The following C12orf75 variants were observed in gnomAD, a reference collection of about 807,000 sequenced individuals.
C12orf75 encodes the protein overexpressed in colon carcinoma 1 protein.
In C12orf75, 4 loss-of-function variants were observed where a neutral mutation model predicts 11.4. The observed-to-expected ratio is 0.35, with a 90% CI of 0.17 to 0.80. The LOEUF is 0.80. Ranked by LOEUF, C12orf75 falls within the 30% of genes least tolerant of loss-of-function variation. C12orf75 has a pLI of 0.52. For synonymous variants in C12orf75, 30 were observed against 30.0 expected (o/e 1.00, Z 0.00); for missense variants, 89 against 80.4 (o/e 1.11, Z -0.41).
chr12:105,363,037 C>T (rs1341277654), intron 2 of C12orf75, among the ~76,000 whole-genome samples: 1 of 152,194 alleles, frequency 6.6e-6, no homozygotes, highest in Non-Finnish European at 1.5e-5. Flanking sequence ...TGGTCTTTCA[C>T]AGGAAGTGTT....
intron 2 of C12orf75, among the ~76,000 whole-genome samples, chr12:105,358,430 A>G (rs1368366356): frequency 6.6e-6 from 1 of 152,150 alleles, no homozygotes; most frequent in Non-Finnish European, 1.5e-5. Flanking sequence ...CCGAGATGGG[A>G]GCATCGCTTG....
chr12:105,368,171 CTACATACCAGTCTT>C (rs1294669073), intron 5 of C12orf75, among the ~76,000 whole-genome samples: 2 of 152,132 alleles, frequency 1.3e-5, no homozygotes, highest in Non-Finnish European at 2.9e-5. Context: ...GTTAACTACC[CTACATACCAGTCTT>C]TAAAAGACAT....
chr12:105,331,073 G>C lies in C12orf75; in HGVS notation c.46+136G>C, dbSNP rs539351900. ...TTTTCGGGACAGGAGCAGACCGCCC[G>C]TTTCTGGAAAGACCGAAAGCGTGGC... On this transcript the variant is annotated intron_variant, in intron 1 of 5. Transcript: ENST00000443585. 4 of 541,642 alleles carry C rather than the reference G, an allele frequency of 7.4e-6. No homozygotes were observed. The South Asian group carries it at 3.7e-4, about 50-fold the overall frequency. The allele number at this position is 541,642 out of a possible 1,614,324, so 33.6% of individuals were successfully genotyped here. A position where few individuals can be genotyped will look rare whatever the true frequency, so the allele number is the denominator to read the frequency against.
chr12:105,330,861 C>T lies in C12orf75; in HGVS notation c.-31C>T, dbSNP rs1892411984. ...CCCCCAGGACCCGCGGCCGAGAGCT[C>T]CGGAGCGCGGCTTCCCCGGCCGGCT... On this transcript the variant is annotated 5_prime_UTR_variant, in exon 1 of 6. Coordinates refer to ENST00000443585, the MANE Select transcript of C12orf75 (RefSeq NM_001145199.2). The T allele has an allele frequency of 2.4e-5, 30 of 1,252,780 alleles. No homozygotes were observed. The highest frequency in any genetic ancestry group is 8.0e-5 in the Admixed American group (2 of 25,062). 77.6% of individuals were successfully genotyped at this position (1,252,780 alleles called of 1,614,324 possible).
rs544303713 is a variant in C12orf75, at chr12:105,332,832, A to G, written c.46+1895A>G. Reference sequence around the variant, plus strand: ...AATGTAAAAATCAAATTTGGGGGGAAAATATGATTTCTTGGGGAAATATGA... The same window carrying G: ...AATGTAAAAATCAAATTTGGGGGGAGAATATGATTTCTTGGGGAAATATGA... On this transcript the variant is annotated intron_variant, in intron 1 of 5. Transcript: ENST00000443585. 3.8e-4 allele frequency among the ~76,000 whole-genome samples: 39 copies of G among 101,870 alleles called. No individual in the cohort carries two copies. The South Asian group carries it at 0.011, about 28-fold the overall frequency. 66.8% of individuals were successfully genotyped at this position (101,870 alleles called of 152,430 possible).
chr12:105,366,353 A>G, intron 3 of C12orf75: 1 of 338,156 alleles, frequency 3.0e-6, no homozygotes, highest in Non-Finnish European at 5.3e-6. Context: ...GTAACATCCC[A>G]AAGTCTTTTC....
At chr12:105,359,056 A>G (rs1454464911) in intron 2 of C12orf75, among the ~76,000 whole-genome samples, 1 of 152,130 alleles carries the variant, frequency 6.6e-6, no homozygotes, top group African/African-American at 2.4e-5. Flanking sequence ...TGTGCCACGT[A>G]CTTATTTCCA....
At chr12:105,333,651 A>C (rs1447647599) in intron 1 of C12orf75, among the ~76,000 whole-genome samples, 2 of 151,984 alleles carry the variant, frequency 1.3e-5, no homozygotes, top group Admixed American at 1.3e-4. Flanking sequence ...TACTTTTTTG[A>C]ATTTTGGTTT....
At chr12:105,356,439 C>CTTTT (rs77310165) in intron 2 of C12orf75, among the ~76,000 whole-genome samples, 10 of 106,300 alleles carry the variant, frequency 9.4e-5, no homozygotes, top group Non-Finnish European at 1.1e-4. Context: ...AGACTACAGG[C>CTTTT]TTTTTTTTTT....
At chr12:105,350,021 G>A (rs910208132) in intron 2 of C12orf75, among the ~76,000 whole-genome samples, 1 of 152,232 alleles carries the variant, frequency 6.6e-6, no homozygotes, top group Non-Finnish European at 1.5e-5. Flanking sequence ...AAAGGAAGCA[G>A]TAATTGATGG....
chr12:105,349,939 G>A lies in C12orf75; in HGVS notation c.71+1313G>A, dbSNP rs535868133. Among the ~76,000 whole-genome samples, 30 of 152,290 alleles carry A rather than the reference G, an allele frequency of 2.0e-4. No homozygotes were observed. In the South Asian group the frequency reaches 6.2e-3, roughly 32 times the overall value. On this transcript the variant is annotated intron_variant, in intron 2 of 5. Transcript: ENST00000443585. ...TTATTACAAAGAATTTAGAGAAGAT[G>A]AGAATGGGATTGTAAAGCTTTCTGG...
chr12:105,334,929 A>G (rs1319448505), intron 1 of C12orf75, among the ~76,000 whole-genome samples: 1 of 152,250 alleles, frequency 6.6e-6, no homozygotes, highest in Non-Finnish European at 1.5e-5. Flanking sequence ...AAAAGTTTGG[A>G]TAGTTCCCCA....
chr12:105,347,653 C>A (rs1892656450), intron 1 of C12orf75, among the ~76,000 whole-genome samples: 1 of 152,222 alleles, frequency 6.6e-6, no homozygotes, highest in Non-Finnish European at 1.5e-5. Flanking sequence ...AAGTGTGGGT[C>A]TGCCTCTCCC....
intron 2 of C12orf75, among the ~76,000 whole-genome samples, chr12:105,357,009 C>G (rs1002733157): frequency 6.6e-6 from 1 of 152,142 alleles, no homozygotes; most frequent in African/African-American, 2.4e-5. Context: ...AAAGCCCACC[C>G]ACCCCAAAGA....
intron 5 of C12orf75, among the ~76,000 whole-genome samples, chr12:105,367,962 A>G (rs1038062385): frequency 3.9e-5 from 6 of 152,234 alleles, no homozygotes; most frequent in African/African-American, 1.2e-4. Flanking sequence ...CAATCGGTCA[A>G]TTAAGTCCCA....
At chr12:105,363,918 T>C (rs1871376289) in intron 2 of C12orf75, among the ~76,000 whole-genome samples, 1 of 152,210 alleles carries the variant, frequency 6.6e-6, no homozygotes, top group East Asian at 1.9e-4. Context: ...TTTTAAGATA[T>C]TGAGTAATTT....
chr12:105,350,832 T>G (rs1392654868), intron 2 of C12orf75, among the ~76,000 whole-genome samples: 2 of 152,194 alleles, frequency 1.3e-5, no homozygotes, highest in Non-Finnish European at 2.9e-5. Flanking sequence ...ATGACATCTT[T>G]CTTTTTCTAA....
intron 1 of C12orf75, among the ~76,000 whole-genome samples, chr12:105,342,083 A>G (rs1168833656): frequency 1.3e-5 from 2 of 152,220 alleles, no homozygotes; most frequent in African/African-American, 2.4e-5. Flanking sequence ...TAGCAGCATG[A>G]GAACAGACTA....
chr12:105,351,973 G>A (rs1892719969), intron 2 of C12orf75, among the ~76,000 whole-genome samples: 1 of 152,142 alleles, frequency 6.6e-6, no homozygotes, highest in South Asian at 2.1e-4. Flanking sequence ...GGAGGGTGCA[G>A]GCACAGAGGA....
Sources: allele counts gnomAD v4.1 joint callset (sites outside exome capture counted in the v4.1 genomes callset), GRCh38; gene constraint gnomAD v4.1.1; transcripts MANE v1.5; gene names NCBI Gene and HGNC (gene_info 2026-07-23, HGNC 2026-07-21).